PCLO: variants seen among roughly 807,000 people sequenced by gnomAD.
The protein encoded by PCLO is protein piccolo.
In PCLO, 82 loss-of-function variants were observed where a neutral mutation model predicts 427.5. The observed-to-expected ratio is 0.19, with a 90% CI of 0.16 to 0.23. The LOEUF is 0.23. Ranked by LOEUF, PCLO falls within the 10% of genes least tolerant of loss-of-function variation. The pLI is 1.00. For synonymous variants in PCLO, 2,357 were observed against 2,155.4 expected, an observed-to-expected ratio of 1.09 and a Z score of -2.59; for missense variants, 6,239 against 6,115.9, an observed-to-expected ratio of 1.02 and a Z score of -0.67.
rs138874001 is a variant in PCLO, at chr7:82,916,276, T to C, written c.11710A>G (p.Thr3904Ala). Reference protein sequence around the residue: ...ALPTQAPTSYTQQSHFEQQTL... With the variant: ...ALPTQAPTSYAQQSHFEQQTL... ...TGTTGCTCAAAATGAGACTGTTGAG[T>C]GTATGAGGTGGGTGCTTGGGTAGGA... Residue 3904 changes from threonine (T) to alanine (A), a missense_variant, in exon 7 of 25, where the codon ACT becomes GCT. Thr to Ala is a moderately conservative substitution (Grantham distance 58). Transcript: ENST00000333891. The C allele has an allele frequency of 1.9e-6, 3 of 1,613,488 alleles. No individual in the cohort carries two copies. The highest frequency in any genetic ancestry group is 3.3e-5 in the Admixed American group (2 of 59,948).
intron 3 of PCLO, among the ~76,000 whole-genome samples, chr7:83,122,286 C>CTTTTTTTTTTTTTTTTTT (rs71074624): frequency 3.9e-4 from 50 of 128,268 alleles, no homozygotes; most frequent in Non-Finnish European, 5.8e-4. Flanking sequence ...CTTTTCTTTT[C>CTTTTTTTTTTTTTTTTTT]TTTTTTTTTT....
chr7:82,986,575 T>G (rs1365544720), intron 3 of PCLO, among the ~76,000 whole-genome samples: 3 of 151,926 alleles, frequency 2.0e-5, no homozygotes, highest in Non-Finnish European at 4.4e-5. Flanking sequence ...ATTATTAGTA[T>G]TAAGAGCAGA....
At chr7:82,970,599 C>G (rs1179079413) in intron 3 of PCLO, among the ~76,000 whole-genome samples, 2 of 151,478 alleles carry the variant, frequency 1.3e-5, no homozygotes, top group African/African-American at 4.8e-5. Flanking sequence ...AGCCCTAGAA[C>G]CAAAAATAAA....
chr7:83,125,749 G>A (rs1280328455), intron 3 of PCLO, among the ~76,000 whole-genome samples: 2 of 152,152 alleles, frequency 1.3e-5, no homozygotes, highest in Non-Finnish European at 2.9e-5. Context: ...AAACACTGCG[G>A]AAGGTCGCAG....
intron 22 of PCLO, among the ~76,000 whole-genome samples, chr7:82,792,862 A>G (rs1791134828): frequency 6.6e-6 from 1 of 152,010 alleles, no homozygotes; most frequent in Non-Finnish European, 1.5e-5. Context: ...AGCTTTTCTC[A>G]TCCTTGTCAT....
intron 3 of PCLO, among the ~76,000 whole-genome samples, chr7:83,102,576 C>T (rs565648859): frequency 2.6e-4 from 39 of 152,012 alleles, no homozygotes; most frequent in Non-Finnish European, 5.2e-4. Context: ...AGGCAAGTTA[C>T]TTAAAATCTA....
rs1787759746 is a variant in PCLO, at chr7:82,999,739, TATAATATATAATATTATATATAAAATATA to T, written c.3301-33281_3301-33253del. ...ATAATATATAATATTAAATATAAAA[TATAATATATAATATTATATATAAAATATA>T]ATATATAATATTATATATAAAATAT... is the stretch of plus-strand genomic sequence containing the variant. On this transcript the variant is annotated intron_variant, in intron 3 of 24. Transcript: ENST00000333891. Among the ~76,000 whole-genome samples, 2 of 105,806 alleles carry T rather than the reference TATAATATATAATATTATATATAAAATATA, an allele frequency of 1.9e-5. 1 individual carries two copies. The highest frequency in any genetic ancestry group is 6.7e-5 in the African/African-American group (2 of 30,030). 69.4% of individuals were successfully genotyped at this position (105,806 alleles called of 152,430 possible). A position where few individuals can be genotyped will look rare whatever the true frequency, so the allele number is the denominator to read the frequency against.
Position 82,955,687 on chromosome 7 carries a change from G to A in PCLO, c.5266C>T (p.Arg1756Cys), listed in dbSNP as rs1415697327. Residue 1756 changes from arginine (R) to cysteine (C), a missense_variant, in exon 5 of 25, where the codon CGC (arginine) becomes TGC (cysteine). By Grantham distance (180) the Arg-to-Cys change is radical (BLOSUM62 -3). Transcript: ENST00000333891. ...CCATGTGGTCTGTGCCGAGCTTTGC[G>A]TTGCTGTTTGCTCTCTCCTTTTTTG... The part of the protein sequence containing the change: ...SHKKGESKQQ[R>C]KARHRPHGPL... 10 of 1,613,752 alleles carry A rather than the reference G, an allele frequency of 6.2e-6. No homozygotes were observed. The highest frequency in any genetic ancestry group is 4.5e-5 in the East Asian group (2 of 44,878).
Position 82,949,856 on chromosome 7 carries a change from G to A in PCLO, c.10732C>T (p.Pro3578Ser). 1 of 1,613,688 alleles carries A rather than the reference G, an allele frequency of 6.2e-7. No homozygotes were observed. The highest frequency in any genetic ancestry group is 8.5e-7 in the Non-Finnish European group (1 of 1,179,810). Residue 3578 changes from proline (P) to serine (S), a missense_variant, in exon 6 of 25, where the codon CCT (proline) becomes TCT (serine). This residue lies in a region of PCLO where 4,677 missense variants were observed against 4,468.4 expected (regional missense o/e 1.05). Coordinates refer to ENST00000333891, the MANE Select transcript of PCLO (RefSeq NM_033026.6). Reference sequence around the variant, plus strand: ...GGAGATGTGGCACTCAGATATTGAGGACTTTGTGTGTCTGAATCTGCTTCT... The same window carrying A: ...GGAGATGTGGCACTCAGATATTGAGAACTTTGTGTGTCTGAATCTGCTTCT... ...QTEADSDTQS[P>S]QYLSATSPPK...
intron 3 of PCLO, among the ~76,000 whole-genome samples, chr7:82,999,249 TG>T (rs1787715011): frequency 6.9e-6 from 1 of 144,444 alleles, no homozygotes; most frequent in South Asian, 2.1e-4. Context: ...AAAATATATA[TG>T]GATATATAAT....
chr7:82,816,810 T>C (rs2115606761), intron 20 of PCLO, among the ~76,000 whole-genome samples: 1 of 152,236 alleles, frequency 6.6e-6, no homozygotes. Context: ...AGTATGCAGA[T>C]GGCTCGGTGC....
chr7:82,798,461 A>G (rs1791274411), intron 22 of PCLO, among the ~76,000 whole-genome samples: 1 of 152,210 alleles, frequency 6.6e-6, no homozygotes, highest in Non-Finnish European at 1.5e-5. Flanking sequence ...GGATCACTCA[A>G]AACAAACAAA....
At chr7:83,037,989 T>TTTATATATATATA (rs1437975363) in intron 3 of PCLO, among the ~76,000 whole-genome samples, 1 of 13,586 alleles carries the variant, frequency 7.4e-5, no homozygotes, top group Non-Finnish European at 1.2e-4. Flanking sequence ...AAGGAGGAGC[T>TTTATATATATATA]TATATATATA....
chr7:82,766,262 C>G (rs1455437684), intron 22 of PCLO, among the ~76,000 whole-genome samples: 1 of 151,958 alleles, frequency 6.6e-6, no homozygotes, highest in Admixed American at 6.6e-5. Flanking sequence ...ACATGCCTCC[C>G]CATTACTGGA....
chr7:82,851,546 G>A (rs1792654660), intron 10 of PCLO, among the ~76,000 whole-genome samples: 1 of 151,630 alleles, frequency 6.6e-6, no homozygotes, highest in Non-Finnish European at 1.5e-5. Context: ...AAATAAGATA[G>A]AGGAAAATGA....
intron 6 of PCLO, among the ~76,000 whole-genome samples, chr7:82,921,865 C>T (rs150333578): frequency 5.4e-4 from 82 of 151,448 alleles, no homozygotes; most frequent in African/African-American, 1.7e-3. Flanking sequence ...TTATCCAGAA[C>T]CTATAAGGCA....
At position 82,950,287 on chromosome 7, in the gene PCLO, G is replaced by A. The variant is rs374012793; in HGVS notation, c.10301C>T (p.Pro3434Leu). The A allele has an allele frequency of 2.1e-5, 34 of 1,613,024 alleles. No homozygotes were observed. The African/African-American group carries it at 4.0e-4, about 19-fold the overall frequency. The change falls in exon 6 of 25, where the codon CCC becomes CTC. Residue 3434 changes from proline (P) to leucine (L), a missense_variant. Around this residue, in one of 5 missense-constraint regions of PCLO, gnomAD observed 4,677 missense variants for 4,468.4 expected, o/e 1.05. Transcript: ENST00000333891. ...GTCCACTATCTTTTTAAAACTTCGG[G>A]GATCATCTGTCATATTTTCTCCCAT... ...DDMGENMTDD[P>L]RSFKKIVDSG... is the part of the protein sequence containing the mutation.
intron 22 of PCLO, among the ~76,000 whole-genome samples, chr7:82,766,670 T>C (rs868608056): frequency 9.2e-5 from 14 of 152,192 alleles, no homozygotes; most frequent in African/African-American, 2.9e-4. Flanking sequence ...GAAATTCACT[T>C]TTATAGGTCA....
intron 22 of PCLO, among the ~76,000 whole-genome samples, chr7:82,793,397 G>A (rs897393804): frequency 1.3e-5 from 2 of 152,074 alleles, no homozygotes; most frequent in African/African-American, 2.4e-5. Flanking sequence ...ACACTCTGCC[G>A]CAGTTGCACC....
Sources: gnomAD v4.1 joint callset for allele counts (sites outside exome capture counted in the v4.1 genomes callset) on GRCh38, gnomAD v4.1.1 for gene constraint, gnomAD v4.1.1 regional missense constraint, MANE v1.5 for transcripts, NCBI Gene and HGNC (gene_info 2026-07-23, HGNC 2026-07-21) for gene names.